The following RAP1GDS1 variants were observed in gnomAD, a reference collection of about 807,000 sequenced individuals.
RAP1GDS1 encodes RAP1, GTP-GDP dissociation stimulator 1.
A neutral mutation model predicts 71.1 loss-of-function variants in RAP1GDS1; 35 were observed. That is an observed-to-expected ratio of 0.49 (90% CI 0.38 to 0.65). The LOEUF (loss-of-function observed/expected upper bound fraction) is 0.65, where lower values mean the gene tolerates loss of function less well. Ranked by LOEUF, RAP1GDS1 falls within the 30% of genes least tolerant of loss-of-function variation. The pLI, the probability that RAP1GDS1 is intolerant of heterozygous loss-of-function variation, is 0.00. For missense variants in RAP1GDS1, 663 were observed against 706.1 expected (o/e 0.94, Z 0.69); for synonymous variants, 229 against 243.1 (o/e 0.94, Z 0.54).
At chr4:98,362,838 CTA>C (rs914054986) in intron 4 of RAP1GDS1, among the ~76,000 whole-genome samples, 1 of 152,168 alleles carries the variant, frequency 6.6e-6, no homozygotes, top group Non-Finnish European at 1.5e-5. Context: ...AATTCTCACT[CTA>C]TGTCTTTGTA....
chr4:98,367,390 A>G (rs1739653547), intron 4 of RAP1GDS1, among the ~76,000 whole-genome samples: 1 of 152,146 alleles, frequency 6.6e-6, no homozygotes, highest in Non-Finnish European at 1.5e-5. Flanking sequence ...CTCATGGAGA[A>G]CCTCTGCTAA....
At chr4:98,298,946 T>C (rs1728179753) in intron 2 of RAP1GDS1, among the ~76,000 whole-genome samples, 1 of 152,182 alleles carries the variant, frequency 6.6e-6, no homozygotes, top group Non-Finnish European at 1.5e-5. Context: ...CTAGGGTACA[T>C]GTGCACAACA....
At chr4:98,280,655 T>G (rs1358510944) in intron 1 of RAP1GDS1, among the ~76,000 whole-genome samples, 1 of 152,196 alleles carries the variant, frequency 6.6e-6, no homozygotes, top group Admixed American at 6.5e-5. Flanking sequence ...TGCCATTGCT[T>G]TTGGTGTTTT....
At chr4:98,409,602 C>A in intron 7 of RAP1GDS1, 1 of 212,356 alleles carries the variant, frequency 4.7e-6, no homozygotes, top group African/African-American at 2.3e-5. Context: ...CCCCGAAACA[C>A]ATGAAGGAAA....
intron 5 of RAP1GDS1, among the ~76,000 whole-genome samples, chr4:98,390,765 G>A (rs759282348): frequency 3.9e-4 from 60 of 152,220 alleles, no homozygotes; most frequent in Non-Finnish European, 6.2e-4. Flanking sequence ...AAATTAGCAG[G>A]CCAACCCTGC....
At chr4:98,359,579 T>C (rs1738430287) in intron 4 of RAP1GDS1, among the ~76,000 whole-genome samples, 1 of 152,036 alleles carries the variant, frequency 6.6e-6, no homozygotes, top group African/African-American at 2.4e-5. Flanking sequence ...GACATGTAAA[T>C]CATGAAGATA....
chr4:98,363,478 C>CAAAAAAAAA lies in RAP1GDS1; in HGVS notation c.361+10896_361+10904dup, dbSNP rs34393905. On this transcript the variant is annotated intron_variant, in intron 4 of 14. Coordinates refer to ENST00000408927, the MANE Select transcript of RAP1GDS1 (RefSeq NM_001100427.2). ...CCTAAATAACAGTGAGACCCTGTCT[C>CAAAAAAAAA]AAAAAAAAAAAAAAAAAAAAAAAAA... is the stretch of plus-strand genomic sequence containing the variant. Among the ~76,000 whole-genome samples, 23 of 37,734 alleles carry CAAAAAAAAA rather than the reference C, an allele frequency of 6.1e-4. 3 individuals are homozygous for CAAAAAAAAA. The highest frequency in any genetic ancestry group is 1.9e-3 in the African/African-American group (19 of 10,120). The allele number at this position is 37,734 out of a possible 152,430, so 24.8% of individuals were successfully genotyped here. A position where few individuals can be genotyped will look rare whatever the true frequency, so the allele number is the denominator to read the frequency against.
chr4:98,311,250 G>C (rs1185976308), intron 2 of RAP1GDS1, among the ~76,000 whole-genome samples: 1 of 152,158 alleles, frequency 6.6e-6, no homozygotes, highest in Admixed American at 6.5e-5. Flanking sequence ...CTGTAAATAA[G>C]ATACTGTCAT....
intron 5 of RAP1GDS1, among the ~76,000 whole-genome samples, chr4:98,388,688 C>G (rs763173147): frequency 2.0e-5 from 3 of 152,078 alleles, no homozygotes; most frequent in East Asian, 3.9e-4. Flanking sequence ...ATCACACCAC[C>G]GCACTCCAGC....
intron 2 of RAP1GDS1, among the ~76,000 whole-genome samples, chr4:98,312,338 G>A (rs1730348904): frequency 6.6e-6 from 1 of 152,036 alleles, no homozygotes; most frequent in East Asian, 1.9e-4. Flanking sequence ...CCCTAAGACT[G>A]GAAGACACTT....
chr4:98,426,587 C>A, intron 12 of RAP1GDS1, among the ~76,000 whole-genome samples: 1 of 152,048 alleles, frequency 6.6e-6, no homozygotes, highest in Non-Finnish European at 1.5e-5. Context: ...CTATGAACAC[C>A]TTTACATGCA....
At chr4:98,321,112 T>A (rs776372522) in intron 2 of RAP1GDS1, among the ~76,000 whole-genome samples, 9,040 of 144,462 alleles carry the variant, frequency 0.063, 196 homozygotes, top group Admixed American at 0.13. Context: ...GCTCGAGAAC[T>A]ACGTGAAGAA....
At chr4:98,280,135 T>G (rs1452630600) in intron 1 of RAP1GDS1, among the ~76,000 whole-genome samples, 3 of 152,216 alleles carry the variant, frequency 2.0e-5, no homozygotes, top group Non-Finnish European at 4.4e-5. Context: ...GTAATGGGAT[T>G]GCTGGGTCAA....
chr4:98,410,225 G>C (rs1746838266), intron 7 of RAP1GDS1, among the ~76,000 whole-genome samples: 1 of 152,112 alleles, frequency 6.6e-6, no homozygotes, highest in South Asian at 2.1e-4. Flanking sequence ...TGTGTATACA[G>C]TGTATAAAAA....
At chr4:98,367,341 C>G (rs553077206) in intron 4 of RAP1GDS1, among the ~76,000 whole-genome samples, 1 of 152,302 alleles carries the variant, frequency 6.6e-6, no homozygotes, top group East Asian at 1.9e-4. Context: ...ATGGAAACAC[C>G]TGGTTGGCCA....
At chr4:98,351,260 G>T (rs531144805) in intron 3 of RAP1GDS1, among the ~76,000 whole-genome samples, 1 of 152,254 alleles carries the variant, frequency 6.6e-6, no homozygotes, top group South Asian at 2.1e-4. Flanking sequence ...CATTACAGGG[G>T]ATTTTTAGTG....
chr4:98,362,610 G>A (rs1738904337), intron 4 of RAP1GDS1, among the ~76,000 whole-genome samples: 2 of 152,154 alleles, frequency 1.3e-5, no homozygotes, highest in East Asian at 1.9e-4. Context: ...TAATCATGCA[G>A]ATCAGAATGG....
In RAP1GDS1 at chr4:98,359,818, A is replaced by T. The variant is rs73834451; in HGVS notation, c.361+7217A>T. On this transcript the variant is annotated intron_variant, in intron 4 of 14. Coordinates refer to ENST00000408927, the MANE Select transcript of RAP1GDS1 (RefSeq NM_001100427.2). The stretch of plus-strand genomic sequence containing the variant: ...ATGGACAGAGATGTGAGGCAGAGAT[A>T]TCAGGAAGCCATTACAGGAGGCCGG... 3.8e-3 allele frequency among the ~76,000 whole-genome samples: 579 copies of T among 152,298 alleles called. 5 individuals carry two copies. Among genetic ancestry groups the T allele is most frequent in the African/African-American group, 0.013 (555 of 41,566 alleles).
intron 1 of RAP1GDS1, among the ~76,000 whole-genome samples, chr4:98,284,192 T>C (rs574669702): frequency 1.3e-5 from 2 of 152,292 alleles, no homozygotes; most frequent in South Asian, 4.1e-4. Flanking sequence ...TAAAGTGATA[T>C]CCATATAATT....
Sources: allele counts gnomAD v4.1 joint callset (sites outside exome capture counted in the v4.1 genomes callset), GRCh38; gene constraint gnomAD v4.1.1; transcripts MANE v1.5; gene names NCBI Gene and HGNC (gene_info 2026-07-23, HGNC 2026-07-21).